Variants in LYZL4 observed in about 807,000 individuals in gnomAD.
The protein encoded by LYZL4 is lysozyme like 4.
A neutral mutation model predicts 17.6 loss-of-function variants in LYZL4; 13 were observed. That is an observed-to-expected ratio of 0.74 (90% CI 0.48 to 1.18). The LOEUF (loss-of-function observed/expected upper bound fraction) is 1.18, where lower values mean the gene tolerates loss of function less well. Among genes scored for constraint, LYZL4 ranks in the 50% most tolerant of loss-of-function variants. LYZL4 has a pLI of 0.00. For missense variants in LYZL4, 174 were observed against 188.2 expected (o/e 0.92, Z 0.44); for synonymous variants, 64 against 67.7 (o/e 0.95, Z 0.27).
downstream of LYZL4, among the ~76,000 whole-genome samples, chr3:42,393,510 C>T (rs543725031): frequency 5.9e-5 from 9 of 152,280 alleles, no homozygotes; most frequent in South Asian, 1.0e-3. Context: ...GTGTAGCTAG[C>T]GCAGCCAGGG....
At chr3:42,406,453 C>CAAAAAAAAAA (rs565639489) in intron 3 of LYZL4, among the ~76,000 whole-genome samples, 25 of 84,114 alleles carry the variant, frequency 3.0e-4, no homozygotes, top group African/African-American at 5.9e-4. Flanking sequence ...GACTCCGTCT[C>CAAAAAAAAAA]AAAAAAAAAA....
At position 42,404,058 on chromosome 3, in the gene LYZL4, C is replaced by A. The variant is rs769136882; in HGVS notation, c.359G>T (p.Gly120Val). Reference sequence around the variant, plus strand: ...ATGTAAGACTTACCATGCTCCCATCCCTTCTTTTCCTTTTACAATGGTCTT... The same window carrying A: ...ATGTAAGACTTACCATGCTCCCATCACTTCTTTTCCTTTTACAATGGTCTT... ...CAKTIVKGKEGMGAWPTWSRY... is the reference protein window; with the variant it reads ...CAKTIVKGKEVMGAWPTWSRY... Residue 120 changes from glycine to valine, a missense_variant, in exon 4 of 5, where the codon GGG (glycine) becomes GTG (valine). Coordinates refer to ENST00000287748, the MANE Select transcript of LYZL4 (RefSeq NM_144634.4). 9 of 1,608,496 alleles carry A rather than the reference C, an allele frequency of 5.6e-6. No homozygotes were observed. The highest frequency in any genetic ancestry group is 2.6e-6 in the Non-Finnish European group (3 of 1,175,128).
chr3:42,365,968 C>G, the LYZL4 span, among the ~76,000 whole-genome samples: 1 of 152,162 alleles, frequency 6.6e-6, no homozygotes, highest in Non-Finnish European at 1.5e-5. Flanking sequence ...CCCTCTACCT[C>G]CAATTTCATA....
At chr3:42,376,240 T>G in the LYZL4 span, among the ~76,000 whole-genome samples, 1 of 152,168 alleles carries the variant, frequency 6.6e-6, no homozygotes, top group Non-Finnish European at 1.5e-5. Flanking sequence ...GCAGGGAGAA[T>G]GGGACCATTG....
At chr3:42,397,984 C>T (rs1018772174) in intron 4 of LYZL4, among the ~76,000 whole-genome samples, 7 of 152,146 alleles carry the variant, frequency 4.6e-5, no homozygotes, top group Admixed American at 2.0e-4. Context: ...GCCAGCTGTA[C>T]GCCATTAGAA....
At chr3:42,374,094 A>T in the LYZL4 span, among the ~76,000 whole-genome samples, 2 of 152,334 alleles carry the variant, frequency 1.3e-5, no homozygotes, top group South Asian at 4.1e-4. Flanking sequence ...CATTATTATC[A>T]CAATGATAAT....
chr3:42,395,924 T>C (rs1698544444), downstream of LYZL4, among the ~76,000 whole-genome samples: 1 of 152,072 alleles, frequency 6.6e-6, no homozygotes, highest in African/African-American at 2.4e-5. Flanking sequence ...AGCCAGGTGT[T>C]GTTGGTGCGT....
chr3:42,407,931 G>A (rs1260708623), intron 1 of LYZL4, among the ~76,000 whole-genome samples: 1 of 152,182 alleles, frequency 6.6e-6, no homozygotes, highest in African/African-American at 2.4e-5. Context: ...CAACAGACAA[G>A]TCATTTAGCT....
chr3:42,404,301 T>A (rs916112727), intron 3 of LYZL4, among the ~76,000 whole-genome samples, 177 bp from the exon 4 acceptor site: 6 of 152,188 alleles, frequency 3.9e-5, no homozygotes, highest in Non-Finnish European at 8.8e-5. Flanking sequence ...GAGTCATCTT[T>A]TTACCAGATC....
chr3:42,396,906 T>C (rs1485902376), downstream of LYZL4, among the ~76,000 whole-genome samples: 2 of 152,360 alleles, frequency 1.3e-5, no homozygotes, highest in East Asian at 3.9e-4. Context: ...TTGGTTCCAC[T>C]GTACCTGTTC....
chr3:42,401,195 T>A (rs1436672484), intron 4 of LYZL4, among the ~76,000 whole-genome samples: 1 of 152,068 alleles, frequency 6.6e-6, no homozygotes, highest in Non-Finnish European at 1.5e-5. Flanking sequence ...AAAGGGGGCA[T>A]CATAATAAAA....
rs139036139 is a variant in LYZL4 at position 42,401,219 on chromosome 3, A to AT, written c.371+2826dup. Among the ~76,000 whole-genome samples the AT allele has an allele frequency of 9.9e-5, 15 of 151,490 alleles. No homozygotes were observed. The East Asian group carries it at 1.6e-3, about 16-fold the overall frequency. On this transcript the variant is annotated intron_variant, in intron 4 of 4. Coordinates refer to ENST00000287748, the MANE Select transcript of LYZL4 (RefSeq NM_144634.4). ...ATCATAATAAAATTTCTTTATTAAT[A>AT]TTTTTTTTTGAGACAGAGTCTCGCT...
the LYZL4 span, among the ~76,000 whole-genome samples, chr3:42,373,557 G>T: frequency 6.6e-6 from 1 of 152,186 alleles, no homozygotes; most frequent in African/African-American, 2.4e-5. Context: ...GGGTGTGCAT[G>T]TGTGTGTGCA....
chr3:42,372,523 A>C, the LYZL4 span, among the ~76,000 whole-genome samples: 1 of 152,206 alleles, frequency 6.6e-6, no homozygotes, highest in Admixed American at 6.5e-5. Context: ...AGCAGGCTTT[A>C]ATGTGTAGGT....
chr3:42,399,083 G>T (rs1223501898), intron 4 of LYZL4, among the ~76,000 whole-genome samples: 1 of 152,150 alleles, frequency 6.6e-6, no homozygotes, highest in Non-Finnish European at 1.5e-5. Context: ...ATAAACACAT[G>T]AAAACATGTT....
chr3:42,401,566 T>C (rs1311973546), intron 4 of LYZL4, among the ~76,000 whole-genome samples: 3 of 151,946 alleles, frequency 2.0e-5, no homozygotes, highest in African/African-American at 7.3e-5. Flanking sequence ...GATCCAGAAG[T>C]AAATTTTATA....
At chr3:42,383,343 C>T in the LYZL4 span, among the ~76,000 whole-genome samples, 1 of 151,356 alleles carries the variant, frequency 6.6e-6, no homozygotes, top group Non-Finnish European at 1.5e-5. Flanking sequence ...AGTGAAAGAC[C>T]TGACATCAGT....
chr3:42,393,566 C>T (rs944164441), downstream of LYZL4, among the ~76,000 whole-genome samples: 1 of 152,210 alleles, frequency 6.6e-6, no homozygotes, highest in Non-Finnish European at 1.5e-5. Flanking sequence ...AAGGAATTAA[C>T]TGGCTCAATG....
intron 4 of LYZL4, among the ~76,000 whole-genome samples, chr3:42,401,412 C>T (rs547239471): frequency 5.3e-5 from 8 of 152,034 alleles, no homozygotes; most frequent in Admixed American, 6.6e-5. Flanking sequence ...GATGGGGTTT[C>T]GCCATGTTGG....
Sources: allele counts gnomAD v4.1 joint callset (sites outside exome capture counted in the v4.1 genomes callset), GRCh38; gene constraint gnomAD v4.1.1; transcripts MANE v1.5; gene names NCBI Gene and HGNC (gene_info 2026-07-23, HGNC 2026-07-21).